IPCEF1: variants seen among roughly 807,000 people sequenced by gnomAD.
IPCEF1 encodes the protein interaction protein for cytohesin exchange factors 1.
Under a neutral mutation model 50.9 loss-of-function variants are expected in IPCEF1, and 31 were observed. That is an observed-to-expected ratio of 0.61 (90% CI 0.46 to 0.82). The LOEUF is 0.82. IPCEF1 is among the 40% of genes least tolerant of loss of function. The pLI is 0.00. For missense variants in IPCEF1, 458 were observed against 514.0 expected (o/e 0.89, Z 1.05); for synonymous variants, 181 against 192.0 (o/e 0.94, Z 0.47).
intron 9 of IPCEF1, among the ~76,000 whole-genome samples, chr6:154,204,892 C>A (rs1777362988): frequency 6.6e-6 from 1 of 152,206 alleles, no homozygotes; most frequent in Non-Finnish European, 1.5e-5. Context: ...CCTAAGGACT[C>A]CTCCACCTGC....
At chr6:154,198,631 T>TACAC (rs3070838) in intron 10 of IPCEF1, among the ~76,000 whole-genome samples, 4,193 of 146,754 alleles carry the variant, frequency 0.029, 62 homozygotes, top group Middle Eastern at 0.048. Context: ...AAATATTACA[T>TACAC]ACACACACAC....
At chr6:154,278,712 C>G (rs1274498758) in intron 2 of IPCEF1, among the ~76,000 whole-genome samples, 1 of 151,184 alleles carries the variant, frequency 6.6e-6, no homozygotes, top group African/African-American at 2.4e-5. Flanking sequence ...TACTGGAAAA[C>G]AATGGTAAAA....
At chr6:154,354,994 C>T (rs1784189769) in intron 1 of IPCEF1, among the ~76,000 whole-genome samples, 1 of 137,836 alleles carries the variant, frequency 7.3e-6, no homozygotes, top group South Asian at 2.4e-4. Flanking sequence ...TAGGATTTTT[C>T]TTCACACACA....
At chr6:154,203,131 C>T (rs974105244) in intron 9 of IPCEF1, among the ~76,000 whole-genome samples, 1 of 152,168 alleles carries the variant, frequency 6.6e-6, no homozygotes, top group Non-Finnish European at 1.5e-5. Flanking sequence ...TAGCTCACTG[C>T]CTTCTGTGAA....
At chr6:154,277,027 C>T (rs116800629) in intron 2 of IPCEF1, among the ~76,000 whole-genome samples, 1,894 of 152,272 alleles carry the variant, frequency 0.012, 41 homozygotes, top group African/African-American at 0.043. Context: ...GATCAGCAGG[C>T]AATACAGCTC....
At chr6:154,235,858 C>A (rs912129903) in intron 5 of IPCEF1, among the ~76,000 whole-genome samples, 7 of 152,098 alleles carry the variant, frequency 4.6e-5, no homozygotes, top group Non-Finnish European at 1.0e-4. Flanking sequence ...TACCTCACAG[C>A]CATTAGGATG....
intron 1 of IPCEF1, among the ~76,000 whole-genome samples, chr6:154,351,120 G>T (rs1292173948): frequency 6.6e-6 from 1 of 152,200 alleles, no homozygotes; most frequent in African/African-American, 2.4e-5. Flanking sequence ...ACTACAGGCA[G>T]GACACTCAAG....
intron 1 of IPCEF1, among the ~76,000 whole-genome samples, chr6:154,322,373 A>AACACACACACACACAC (rs3039689): frequency 1.6e-5 from 2 of 123,720 alleles, no homozygotes; most frequent in African/African-American, 5.4e-5. Flanking sequence ...AAAAATTTTA[A>AACACACACACACACAC]ACACACACAC....
intron 1 of IPCEF1, among the ~76,000 whole-genome samples, chr6:154,340,245 T>C (rs1783881118): frequency 2.0e-5 from 3 of 150,944 alleles, no homozygotes; most frequent in African/African-American, 7.3e-5. Flanking sequence ...TATTTTTTAA[T>C]TTATTATTAT....
chr6:154,218,108 G>A (rs899748962), intron 7 of IPCEF1, among the ~76,000 whole-genome samples: 1 of 152,146 alleles, frequency 6.6e-6, no homozygotes, highest in Admixed American at 6.5e-5. Context: ...CATCATGGCA[G>A]CAGGAAAACA....
intron 1 of IPCEF1, among the ~76,000 whole-genome samples, chr6:154,348,439 C>A (rs1234626861): frequency 6.6e-6 from 1 of 152,202 alleles, no homozygotes; most frequent in Admixed American, 6.5e-5. Flanking sequence ...AGAGGCAATA[C>A]TAATTCACAC....
At chr6:154,191,270 G>T (rs1181085258) in intron 10 of IPCEF1, among the ~76,000 whole-genome samples, 2 of 152,218 alleles carry the variant, frequency 1.3e-5, no homozygotes, top group Non-Finnish European at 1.5e-5. Flanking sequence ...ATGGAGCACA[G>T]GGGATATTTT....
At chr6:154,306,457 G>A (rs973020041) in intron 1 of IPCEF1, among the ~76,000 whole-genome samples, 2 of 152,044 alleles carry the variant, frequency 1.3e-5, no homozygotes, top group Admixed American at 6.5e-5. Flanking sequence ...GGCTGGCCTC[G>A]AACTCCTGCG....
At position 154,168,234 on chromosome 6, in the gene IPCEF1, C is replaced by T. The variant is rs1799591737; in HGVS notation, c.911-121G>A. On this transcript the variant is annotated intron_variant, in intron 10 of 11. Coordinates refer to ENST00000367220, the MANE Select transcript of IPCEF1 (RefSeq NM_001130700.2). This position sits in a 1 kb window ranked among gnomAD's most constrained non-coding sequence, Gnocchi z 4.1. ...GGCACCCTCATCTCAGACTTCTCTC[C>T]GGAACTGAAAGACAATAAATGTTTG... 6 of 678,432 alleles carry T rather than the reference C, an allele frequency of 8.8e-6. No homozygotes were observed. Among genetic ancestry groups the T allele is most frequent in the Admixed American group, 5.5e-5 (2 of 36,418 alleles). 42.0% of individuals were successfully genotyped at this position (678,432 alleles called of 1,614,324 possible).
chr6:154,309,214 C>T (rs1783011885), intron 1 of IPCEF1, among the ~76,000 whole-genome samples: 1 of 152,276 alleles, frequency 6.6e-6, no homozygotes, highest in Middle Eastern at 3.4e-3. Flanking sequence ...AGTCAAACTA[C>T]CCATTACATG....
At chr6:154,194,185 A>C (rs1776393966) in intron 10 of IPCEF1, among the ~76,000 whole-genome samples, 4 of 152,212 alleles carry the variant, frequency 2.6e-5, no homozygotes, top group African/African-American at 9.6e-5. Context: ...GGATCACATG[A>C]GATCAGGAGT....
chr6:154,342,587 A>T (rs936193589), intron 1 of IPCEF1, among the ~76,000 whole-genome samples: 2 of 151,798 alleles, frequency 1.3e-5, no homozygotes, highest in Admixed American at 1.3e-4. Context: ...ACACCTGGCA[A>T]TTTTTTTCAA....
At chr6:154,270,743 A>G (rs538399968) in intron 2 of IPCEF1, among the ~76,000 whole-genome samples, 272 of 152,270 alleles carry the variant, frequency 1.8e-3, no homozygotes, top group African/African-American at 6.4e-3. Flanking sequence ...TGGGAGGCCA[A>G]GGTGGGCAAA....
chr6:154,188,470 G>A (rs1801578407), intron 10 of IPCEF1, among the ~76,000 whole-genome samples: 1 of 152,206 alleles, frequency 6.6e-6, no homozygotes, highest in Non-Finnish European at 1.5e-5. Flanking sequence ...TCATGCCAAA[G>A]TCCCACAGAC....
Sources: allele counts gnomAD v4.1 joint callset (sites outside exome capture counted in the v4.1 genomes callset), GRCh38; gene constraint gnomAD v4.1.1; non-coding constraint Gnocchi (gnomAD v3.1); transcripts MANE v1.5; gene names NCBI Gene and HGNC (gene_info 2026-07-23, HGNC 2026-07-21).